RALGPS2: variants seen among roughly 807,000 people sequenced by gnomAD.
RALGPS2 encodes Ral GEF with PH domain and SH3 binding motif 2.
Under a neutral mutation model 86.8 loss-of-function variants are expected in RALGPS2, and 43 were observed. The observed-to-expected ratio is 0.50, with a 90% CI of 0.39 to 0.64. RALGPS2 has a LOEUF of 0.64. Ranked by LOEUF, RALGPS2 falls within the 30% of genes least tolerant of loss-of-function variation. The pLI, the probability that RALGPS2 is intolerant of heterozygous loss-of-function variation, is 0.00. For synonymous variants in RALGPS2, 243 were observed against 231.3 expected (o/e 1.05, Z -0.46); for missense variants, 536 against 694.6 (o/e 0.77, Z 2.57).
At chr1:178,766,080 A>G (rs1206541160) in intron 1 of RALGPS2, among the ~76,000 whole-genome samples, 1 of 152,240 alleles carries the variant, frequency 6.6e-6, no homozygotes, top group Admixed American at 6.5e-5. Flanking sequence ...GGAAGTCACA[A>G]GAGTATTGAT....
intron 14 of RALGPS2, 123 bp downstream of exon 14, chr1:178,889,819 A>G (rs547197617): frequency 1.7e-6 from 1 of 583,328 alleles, no homozygotes; most frequent in Non-Finnish European, 2.9e-6. Flanking sequence ...TCTACTGGTA[A>G]AAGAAATTAG....
intron 10 of RALGPS2, among the ~76,000 whole-genome samples, chr1:178,880,604 G>C (rs371380061): frequency 1.3e-5 from 2 of 152,068 alleles, no homozygotes; most frequent in African/African-American, 4.8e-5. Context: ...TACTGACATA[G>C]AACTCCTACC....
rs35176523 is a variant in RALGPS2 at position 178,886,038 on chromosome 1, G to A, written c.1110G>A (p.Leu370=). The change falls in exon 13 of 20, where the codon CTG becomes CTA. Residue 370 remains leucine, a synonymous_variant. Transcript: ENST00000367635. ...TTCCAAATGCAGGACCAAGACATCTGTTAGATGATAGCGTCATGGAGCCCC... is the reference window on the plus strand; with the variant it reads ...TTCCAAATGCAGGACCAAGACATCTATTAGATGATAGCGTCATGGAGCCCC... The part of the protein sequence containing the change: ...ATFPNAGPRH[L]LDDSVMEPHA... 378 of 1,613,454 alleles carry A rather than the reference G, an allele frequency of 2.3e-4. No individual in the cohort carries two copies. The African/African-American group carries it at 4.7e-3, about 20-fold the overall frequency.
rs563385211 is a variant in RALGPS2, at chr1:178,759,430, G to T, written c.-83-17252G>T. On this transcript the variant is annotated intron_variant, in intron 1 of 19. Transcript: ENST00000367635. ...CTGGATTCTCTGTTCTGTTCAATTGGTCTATTTCTATGTTTTTATGCCAGT... is the reference window on the plus strand; with the variant it reads ...CTGGATTCTCTGTTCTGTTCAATTGTTCTATTTCTATGTTTTTATGCCAGT... Among the ~76,000 whole-genome samples, 4 of 151,670 alleles carry T rather than the reference G, an allele frequency of 2.6e-5. No homozygotes were observed. The South Asian group carries it at 8.3e-4, about 32-fold the overall frequency.
intron 8 of RALGPS2, among the ~76,000 whole-genome samples, chr1:178,874,422 A>T (rs936696143): frequency 2.6e-5 from 4 of 152,302 alleles, no homozygotes; most frequent in Middle Eastern, 3.4e-3. Context: ...AAGTGGTTAT[A>T]TTGGACAGCA....
intron 8 of RALGPS2, chr1:178,865,667 G>A: frequency 6.2e-7 from 1 of 1,613,988 alleles, no homozygotes; most frequent in Non-Finnish European, 8.5e-7. Flanking sequence ...TGTGGCACGA[G>A]GGTATCTTCT....
chr1:178,850,762 T>C (rs1406103341), intron 8 of RALGPS2: 1 of 157,422 alleles, frequency 6.4e-6, no homozygotes, highest in Non-Finnish European at 1.4e-5. Context: ...TTTTTTTCAC[T>C]AGACGTTAGA....
intron 8 of RALGPS2, among the ~76,000 whole-genome samples, chr1:178,848,659 G>T (rs1408963803): frequency 1.3e-5 from 2 of 152,114 alleles, no homozygotes; most frequent in East Asian, 3.9e-4. Context: ...CTTGGATATT[G>T]TTTTGTTTTT....
chr1:178,802,891 G>C (rs533039280), intron 4 of RALGPS2, among the ~76,000 whole-genome samples: 2 of 151,676 alleles, frequency 1.3e-5, no homozygotes, highest in African/African-American at 4.8e-5. Flanking sequence ...TTAATTTTTC[G>C]ATACTCCAAG....
chr1:178,803,465 T>G (rs1450871590), intron 4 of RALGPS2, among the ~76,000 whole-genome samples: 1 of 152,210 alleles, frequency 6.6e-6, no homozygotes, highest in East Asian at 1.9e-4. Context: ...TATCCTAAAA[T>G]ATGACATCTT....
At position 178,918,404 on chromosome 1, in the gene RALGPS2, C is replaced by A. The variant is rs1388100518; in HGVS notation, c.*2045C>A. ...AGAACCCTGTGGATTTTTTTTATTTCATTTGTTTGTCATAATAAGCTAACG... is the reference window on the plus strand; with the variant it reads ...AGAACCCTGTGGATTTTTTTTATTTAATTTGTTTGTCATAATAAGCTAACG... On this transcript the variant is annotated 3_prime_UTR_variant, in exon 20 of 20. Transcript: ENST00000367635. 1 of 151,588 alleles carries A rather than the reference C, an allele frequency of 6.6e-6. No individual in the cohort carries two copies. The highest frequency in any genetic ancestry group is 6.6e-5 in the Admixed American group (1 of 15,236). The allele number at this position is 151,588 out of a possible 1,614,324, so 9.4% of individuals were successfully genotyped here.
At chr1:178,811,182 C>T (rs1017363617) in intron 5 of RALGPS2, 133 bp from the exon 6 acceptor site, 2 of 541,676 alleles carry the variant, frequency 3.7e-6, no homozygotes, top group Non-Finnish European at 6.3e-6. Context: ...ACAGAAAAAC[C>T]TGCTATAAGT....
intron 7 of RALGPS2, among the ~76,000 whole-genome samples, chr1:178,825,186 A>G (rs1245211420): frequency 6.6e-6 from 1 of 152,216 alleles, no homozygotes; most frequent in Non-Finnish European, 1.5e-5. Flanking sequence ...GATATTCAGC[A>G]TAAGCTTTCA....
At position 178,920,501 on chromosome 1, in the gene RALGPS2, C is replaced by T. The variant is rs529285946; in HGVS notation, c.*4142C>T. ...CAGCTTAATCTTTCTCACCCCAAGT[C>T]TAACAAAGTCTTTACAGAAACCTCT... On this transcript the variant is annotated 3_prime_UTR_variant, in exon 20 of 20. Coordinates refer to ENST00000367635, the MANE Select transcript of RALGPS2 (RefSeq NM_152663.5). 1.3e-5 allele frequency: 2 copies of T among 152,062 alleles called. No homozygotes were observed. The highest frequency in any genetic ancestry group is 4.2e-4 in the South Asian group (2 of 4,818). The allele number at this position is 152,062 out of a possible 1,614,324, so 9.4% of individuals were successfully genotyped here.
At chr1:178,809,370 G>A in intron 5 of RALGPS2, among the ~76,000 whole-genome samples, 1 of 151,780 alleles carries the variant, frequency 6.6e-6, no homozygotes, top group East Asian at 1.9e-4. Flanking sequence ...CTTTGAAGGA[G>A]CATTAAGTCC....
At chr1:178,870,081 A>G (rs558437703) in intron 8 of RALGPS2, among the ~76,000 whole-genome samples, 72 of 152,226 alleles carry the variant, frequency 4.7e-4, no homozygotes, top group Non-Finnish European at 7.9e-4. Context: ...CATTTGTAGC[A>G]AGTTTAATTT....
intron 8 of RALGPS2, among the ~76,000 whole-genome samples, 196 bp downstream of exon 8, chr1:178,833,746 T>C (rs1224754389): frequency 6.6e-6 from 1 of 152,176 alleles, no homozygotes. Flanking sequence ...AGATTAGCCT[T>C]TTGCCCTCAA....
chr1:178,909,643 ATTTTTTTT>A (rs57890269), intron 19 of RALGPS2, among the ~76,000 whole-genome samples: 1 of 72,384 alleles, frequency 1.4e-5, no homozygotes, highest in Non-Finnish European at 2.5e-5. Context: ...TTCTTTTTTA[ATTTTTTTT>A]TTTTTTTTTT....
chr1:178,881,362 A>G (rs1339116908), intron 10 of RALGPS2, among the ~76,000 whole-genome samples: 1 of 152,156 alleles, frequency 6.6e-6, no homozygotes, highest in Non-Finnish European at 1.5e-5. Context: ...GGAATGATCA[A>G]AGGAATGGGA....
Sources: gnomAD v4.1 joint callset for allele counts (sites outside exome capture counted in the v4.1 genomes callset) on GRCh38, gnomAD v4.1.1 for gene constraint, MANE v1.5 for transcripts, NCBI Gene and HGNC (gene_info 2026-07-23, HGNC 2026-07-21) for gene names.